The following SLC9A9 variants were observed in gnomAD, a reference collection of about 807,000 sequenced individuals.
SLC9A9 encodes the protein solute carrier family 9 member A9.
A neutral mutation model predicts 77.8 loss-of-function variants in SLC9A9; 62 were observed. That is an observed-to-expected ratio of 0.80 (90% confidence interval 0.65 to 0.98). SLC9A9 has a LOEUF of 0.98. SLC9A9 is among the 50% of genes least tolerant of loss of function. The pLI is 0.00. For missense variants in SLC9A9, 775 were observed against 774.9 expected, an observed-to-expected ratio of 1.00 and a Z score of 0.00; for synonymous variants, 320 against 283.5, an observed-to-expected ratio of 1.13 and a Z score of -1.29.
intron 9 of SLC9A9, among the ~76,000 whole-genome samples, chr3:143,531,799 G>T (rs1398093890): frequency 5.3e-5 from 8 of 152,130 alleles, no homozygotes; most frequent in Admixed American, 5.2e-4. Context: ...TACGTGTAGG[G>T]ACGGTTCTCA....
intron 2 of SLC9A9, among the ~76,000 whole-genome samples, chr3:143,805,497 G>A (rs1050339854): frequency 3.3e-5 from 5 of 152,104 alleles, no homozygotes; most frequent in Admixed American, 2.0e-4. Context: ...CTGAGCCCAA[G>A]CTAAGCCATC....
At chr3:143,327,582 C>G (rs1028152307) in intron 14 of SLC9A9, among the ~76,000 whole-genome samples, 4 of 152,168 alleles carry the variant, frequency 2.6e-5, no homozygotes, top group Admixed American at 1.3e-4. Context: ...TTTTCCTCTA[C>G]CCACTCCTAC....
chr3:143,590,604 T>G (rs144993061), intron 6 of SLC9A9, among the ~76,000 whole-genome samples: 3 of 152,286 alleles, frequency 2.0e-5, no homozygotes, highest in South Asian at 2.1e-4. Flanking sequence ...TTGTTAACAA[T>G]CACTAAGCAT....
chr3:143,324,573 G>A (rs1189382210), intron 14 of SLC9A9, among the ~76,000 whole-genome samples: 1 of 152,210 alleles, frequency 6.6e-6, no homozygotes, highest in African/African-American at 2.4e-5. Flanking sequence ...TGTAATCCCA[G>A]CACTTTGGGA....
chr3:143,793,553 T>A (rs760921538), intron 4 of SLC9A9, among the ~76,000 whole-genome samples: 1 of 152,210 alleles, frequency 6.6e-6, no homozygotes, highest in Non-Finnish European at 1.5e-5. Context: ...TGAGTCCACA[T>A]GTCTCAGAAC....
In SLC9A9 at chr3:143,636,497, G is replaced by A. The variant is rs114093485; in HGVS notation, c.755+15758C>T. ...TTTTTAATATTTTTATAGATTTAGG[G>A]GGTACAGGGGCAGATTTATTACATG... On this transcript the variant is annotated intron_variant, in intron 6 of 15. Transcript: ENST00000316549. 9.7e-3 allele frequency among the ~76,000 whole-genome samples: 1,483 copies of A among 152,104 alleles called. 18 individuals carry two copies. Among genetic ancestry groups the A allele is most frequent in the African/African-American group, 0.033 (1,383 of 41,480 alleles).
Position 143,577,756 on chromosome 3 carries a change from G to C in SLC9A9, c.894+829C>G, listed in dbSNP as rs149797218. On this transcript the variant is annotated intron_variant, in intron 7 of 15. Coordinates refer to ENST00000316549, the MANE Select transcript of SLC9A9 (RefSeq NM_173653.4). ...GCCCCCAATATTTTGCCTTCTCTTT[G>C]CCTGGGGCCTTCACCCCTCTGGCAC... is the stretch of plus-strand genomic sequence containing the variant. Among the ~76,000 whole-genome samples the C allele has an allele frequency of 3.1e-3, 476 of 152,240 alleles. 2 individuals are homozygous for C. The highest frequency in any genetic ancestry group is 9.8e-3 in the African/African-American group (406 of 41,536).
chr3:143,517,596 C>G lies in SLC9A9; in HGVS notation c.1090-22148G>C, dbSNP rs1016164248. Reference sequence around the variant, plus strand: ...ATTGCACTAGCATCTTCATCATAATCCAATTTACAGGCAAGGGCAAGATCA... The same window carrying G: ...ATTGCACTAGCATCTTCATCATAATGCAATTTACAGGCAAGGGCAAGATCA... On this transcript the variant is annotated intron_variant, in intron 9 of 15. Transcript: ENST00000316549. 20 of 1,597,424 alleles carry G rather than the reference C, an allele frequency of 1.3e-5. No individual in the cohort carries two copies. In the African/African-American group the frequency reaches 2.5e-4, roughly 20 times the overall value.
intron 8 of SLC9A9, among the ~76,000 whole-genome samples, chr3:143,562,246 G>A (rs2037100238): frequency 6.6e-6 from 1 of 152,278 alleles, no homozygotes; most frequent in East Asian, 1.9e-4. Context: ...GATAACAAAG[G>A]AATTCTCAAA....
chr3:143,793,990 T>C (rs181610243), intron 4 of SLC9A9, among the ~76,000 whole-genome samples: 8 of 152,306 alleles, frequency 5.3e-5, no homozygotes, highest in Non-Finnish European at 1.0e-4. Context: ...AATCTTTAAT[T>C]TTCTCACTGC....
intron 6 of SLC9A9, among the ~76,000 whole-genome samples, chr3:143,629,069 A>G (rs542458935): frequency 2.6e-5 from 4 of 152,334 alleles, no homozygotes; most frequent in African/African-American, 9.6e-5. Context: ...TAACATCTGC[A>G]TGTAGAGAAG....
At chr3:143,656,816 A>C (rs2038898376) in intron 5 of SLC9A9, among the ~76,000 whole-genome samples, 1 of 152,186 alleles carries the variant, frequency 6.6e-6, no homozygotes, top group Admixed American at 6.5e-5. Context: ...AAAACATCTG[A>C]AGATTTTGCA....
chr3:143,608,381 CT>C (rs2037962271), intron 6 of SLC9A9, among the ~76,000 whole-genome samples: 1 of 152,176 alleles, frequency 6.6e-6, no homozygotes, highest in Admixed American at 6.5e-5. Flanking sequence ...AAGAGCAAGG[CT>C]TTTGGCTGTT....
At chr3:143,784,955 C>T (rs1332291107) in intron 4 of SLC9A9, among the ~76,000 whole-genome samples, 3 of 152,298 alleles carry the variant, frequency 2.0e-5, no homozygotes, top group African/African-American at 7.2e-5. Flanking sequence ...AATTGTTCAT[C>T]TGCAATCGTG....
chr3:143,735,470 T>C (rs1934917574), intron 4 of SLC9A9, among the ~76,000 whole-genome samples: 1 of 152,220 alleles, frequency 6.6e-6, no homozygotes, highest in African/African-American at 2.4e-5. Flanking sequence ...GAAGTCTTTT[T>C]TCATGGTCTG....
chr3:143,301,242 G>C (rs193160891), intron 14 of SLC9A9, among the ~76,000 whole-genome samples: 2 of 152,148 alleles, frequency 1.3e-5, no homozygotes, highest in Non-Finnish European at 2.9e-5. Context: ...TGACATTTGC[G>C]CAAAATGCAT....
intron 14 of SLC9A9, among the ~76,000 whole-genome samples, chr3:143,350,510 G>A (rs1223863567): frequency 3.9e-5 from 6 of 152,114 alleles, no homozygotes; most frequent in Admixed American, 2.6e-4. Context: ...TATATGTGCC[G>A]AGCTGCAATC....
intron 12 of SLC9A9, among the ~76,000 whole-genome samples, chr3:143,455,089 G>A (rs1377136460): frequency 2.6e-5 from 4 of 152,176 alleles, no homozygotes; most frequent in Non-Finnish European, 5.9e-5. Flanking sequence ...TATCAGGATG[G>A]GGAGGGGCAG....
At chr3:143,424,795 G>C (rs909025510) in intron 12 of SLC9A9, among the ~76,000 whole-genome samples, 2 of 152,220 alleles carry the variant, frequency 1.3e-5, no homozygotes, top group Non-Finnish European at 2.9e-5. Flanking sequence ...TAAAAACACA[G>C]GTGCTGGGTT....
Sources: gnomAD v4.1 joint callset for allele counts (sites outside exome capture counted in the v4.1 genomes callset) on GRCh38, gnomAD v4.1.1 for gene constraint, MANE v1.5 for transcripts, NCBI Gene and HGNC (gene_info 2026-07-23, HGNC 2026-07-21) for gene names.